The following NRCAM variants were observed in gnomAD, a reference collection of about 807,000 sequenced individuals.
NRCAM encodes NgCAM-related cell adhesion molecule.
A neutral mutation model predicts 156.5 loss-of-function variants in NRCAM; 83 were observed. The ratio of observed to expected loss-of-function variants is 0.53; its 90% CI spans 0.44 to 0.64. The LOEUF (loss-of-function observed/expected upper bound fraction) is 0.64, where lower values mean the gene tolerates loss of function less well. NRCAM is among the 30% of genes least tolerant of loss of function. The probability of loss-of-function intolerance (pLI) is 0.00; values close to 1 mark genes in which losing one functional copy is unlikely to be tolerated. For missense variants in NRCAM, 1,417 were observed against 1,597.3 expected, an observed-to-expected ratio of 0.89 and a Z score of 1.92; for synonymous variants, 538 against 563.9, an observed-to-expected ratio of 0.95 and a Z score of 0.65.
At chr7:108,241,433 C>T (rs1013225857) in intron 3 of NRCAM, among the ~76,000 whole-genome samples, 1 of 152,140 alleles carries the variant, frequency 6.6e-6, no homozygotes, top group Non-Finnish European at 1.5e-5. Flanking sequence ...AGTGGGGCAA[C>T]CAATGACTCT....
At chr7:108,385,647 T>A (rs941424919) in intron 2 of NRCAM, among the ~76,000 whole-genome samples, 1 of 152,166 alleles carries the variant, frequency 6.6e-6, no homozygotes, top group Non-Finnish European at 1.5e-5. Flanking sequence ...AGTAGATTAG[T>A]TCAATAATTA....
intron 2 of NRCAM, among the ~76,000 whole-genome samples, chr7:108,333,077 C>T (rs2099143372): frequency 6.6e-6 from 1 of 152,198 alleles, no homozygotes; most frequent in Non-Finnish European, 1.5e-5. Context: ...GTCCAAATCA[C>T]TTAACAGAAA....
chr7:108,233,470 A>G (rs568857563), intron 6 of NRCAM, among the ~76,000 whole-genome samples: 1 of 152,300 alleles, frequency 6.6e-6, no homozygotes, highest in South Asian at 2.1e-4. Context: ...ACAAAATATT[A>G]TCTATCACAC....
At chr7:108,222,190 G>A (rs2092518015) in intron 11 of NRCAM, among the ~76,000 whole-genome samples, 2 of 152,172 alleles carry the variant, frequency 1.3e-5, no homozygotes, top group South Asian at 4.1e-4. Flanking sequence ...GAAGGAGATG[G>A]AGATGAAAGC....
At chr7:108,311,783 T>G (rs112864338) in intron 3 of NRCAM, among the ~76,000 whole-genome samples, 1,624 of 152,288 alleles carry the variant, frequency 0.011, 36 homozygotes, top group African/African-American at 0.037. Flanking sequence ...GAATTCTCAG[T>G]AACAAGAGAC....
intron 1 of NRCAM, among the ~76,000 whole-genome samples, chr7:108,425,856 G>T (rs1816634004): frequency 6.6e-6 from 1 of 152,174 alleles, no homozygotes; most frequent in African/African-American, 2.4e-5. Flanking sequence ...ACATCAGACA[G>T]AAGTCCAATT....
intron 3 of NRCAM, among the ~76,000 whole-genome samples, chr7:108,274,961 T>C (rs2097537422): frequency 6.6e-6 from 1 of 152,174 alleles, no homozygotes; most frequent in Admixed American, 6.5e-5. Context: ...CTGTTGGATA[T>C]TGTTGAAGGC....
intron 2 of NRCAM, among the ~76,000 whole-genome samples, chr7:108,380,250 A>G (rs1365815725): frequency 1.3e-5 from 2 of 152,244 alleles, no homozygotes. Context: ...GAAATTAATT[A>G]TATGAGGTTT....
chr7:108,437,321 T>C (rs1353056459), intron 1 of NRCAM, among the ~76,000 whole-genome samples: 4 of 152,152 alleles, frequency 2.6e-5, no homozygotes, highest in Admixed American at 2.6e-4. Context: ...AGATGGTTAA[T>C]GGGTACAAAA....
chr7:108,292,840 G>A (rs1358305329), intron 3 of NRCAM, among the ~76,000 whole-genome samples: 3 of 152,102 alleles, frequency 2.0e-5, no homozygotes, highest in Non-Finnish European at 4.4e-5. Flanking sequence ...TTTAACTGGC[G>A]TAAAACAGCT....
chr7:108,163,436 T>C (rs1387985193), intron 30 of NRCAM, among the ~76,000 whole-genome samples: 1 of 152,166 alleles, frequency 6.6e-6, no homozygotes. Flanking sequence ...TGGTTATTTG[T>C]TCTCTACTAT....
At chr7:108,412,004 T>A (rs532898143) in intron 1 of NRCAM, among the ~76,000 whole-genome samples, 20 of 152,174 alleles carry the variant, frequency 1.3e-4, no homozygotes, top group Non-Finnish European at 2.5e-4. Context: ...TCCCCCAAAA[T>A]GGAATTTTTG....
chr7:108,366,455 A>C (rs1368990832), intron 2 of NRCAM, among the ~76,000 whole-genome samples: 1 of 152,230 alleles, frequency 6.6e-6, no homozygotes, highest in African/African-American at 2.4e-5. Context: ...TGTGTTTCAT[A>C]AACAGAGGTC....
At chr7:108,436,558 G>T (rs1283235430) in intron 1 of NRCAM, among the ~76,000 whole-genome samples, 1 of 152,106 alleles carries the variant, frequency 6.6e-6, no homozygotes, top group African/African-American at 2.4e-5. Flanking sequence ...TTGAAGCAAG[G>T]TCATGAATAC....
intron 30 of NRCAM, among the ~76,000 whole-genome samples, chr7:108,162,709 A>T (rs545913900): frequency 6.6e-5 from 10 of 152,342 alleles, no homozygotes; most frequent in African/African-American, 2.4e-4. Context: ...TCTGTGTCTA[A>T]AGAAAAAAGT....
chr7:108,434,653 C>T (rs1394917811), intron 1 of NRCAM, among the ~76,000 whole-genome samples: 1 of 152,054 alleles, frequency 6.6e-6, no homozygotes, highest in Non-Finnish European at 1.5e-5. Context: ...AATGTACTCT[C>T]CAGCCACACA....
intron 1 of NRCAM, among the ~76,000 whole-genome samples, chr7:108,438,097 C>G (rs1036624169): frequency 2.0e-5 from 3 of 151,302 alleles, no homozygotes; most frequent in Non-Finnish European, 4.4e-5. Flanking sequence ...AATTCAGGCC[C>G]AGATGGCTTC....
At chr7:108,264,664 G>A (rs1366944592) in intron 3 of NRCAM, among the ~76,000 whole-genome samples, 2 of 152,082 alleles carry the variant, frequency 1.3e-5, no homozygotes, top group Non-Finnish European at 1.5e-5. Flanking sequence ...TGCTTCTTGT[G>A]GGCTTCTTGG....
At chr7:108,293,759 A>C (rs377087739) in intron 3 of NRCAM, among the ~76,000 whole-genome samples, 57 of 152,300 alleles carry the variant, frequency 3.7e-4, no homozygotes, top group Non-Finnish European at 4.6e-4. Context: ...TATTATTATT[A>C]TTCTTCTCTT....
Sources: gnomAD v4.1 joint callset for allele counts (sites outside exome capture counted in the v4.1 genomes callset) on GRCh38, gnomAD v4.1.1 for gene constraint, MANE v1.5 for transcripts, NCBI Gene and HGNC (gene_info 2026-07-23, HGNC 2026-07-21) for gene names.